Variants in PRKG1 observed in about 807,000 individuals in gnomAD.
PRKG1 encodes protein kinase cGMP-dependent 1, also known as cGMP-dependent protein kinase 1.
In PRKG1, 35 loss-of-function variants were observed where a neutral mutation model predicts 88.1. The observed-to-expected ratio is 0.40, with a 90% CI of 0.30 to 0.53. The LOEUF (loss-of-function observed/expected upper bound fraction) is 0.53. Among genes scored for constraint, PRKG1 ranks in the 20% least tolerant of loss-of-function variants. The pLI is 0.59. For synonymous variants in PRKG1, 303 were observed against 292.5 expected (o/e 1.04, Z -0.37); for missense variants, 540 against 839.8 (o/e 0.64, Z 4.41).
At chr10:51,713,807 A>G (rs1323840484) in intron 3 of PRKG1, among the ~76,000 whole-genome samples, 1 of 152,180 alleles carries the variant, frequency 6.6e-6, no homozygotes, top group African/African-American at 2.4e-5. Flanking sequence ...TGTTTAGTGT[A>G]TTAGTATTGG....
chr10:51,397,485 T>C (rs1433865268), intron 2 of PRKG1, among the ~76,000 whole-genome samples: 2 of 152,154 alleles, frequency 1.3e-5, no homozygotes, highest in African/African-American at 4.8e-5. Flanking sequence ...AGAAAACCTC[T>C]TACCTAGAGG....
intron 3 of PRKG1, among the ~76,000 whole-genome samples, chr10:51,534,666 CAAA>C (rs10626534): frequency 2.5e-5 from 3 of 120,802 alleles, no homozygotes; most frequent in African/African-American, 3.3e-5. Context: ...GACTCTGTCT[CAAA>C]AAAAAAAAAA....
chr10:51,137,227 G>A, intron 1 of PRKG1, among the ~76,000 whole-genome samples: 1 of 152,058 alleles, frequency 6.6e-6, no homozygotes. Flanking sequence ...AAAAACTATG[G>A]CCGTGGGGGC....
intron 4 of PRKG1, among the ~76,000 whole-genome samples, chr10:51,841,320 T>A (rs1488867260): frequency 6.6e-6 from 1 of 152,212 alleles, no homozygotes; most frequent in African/African-American, 2.4e-5. Context: ...AGACATGGTC[T>A]ATTTTTTCAA....
rs747670757 is a variant in PRKG1 at position 52,054,520 on chromosome 10, G to T, written c.799G>T (p.Gly267Cys). The T allele has an allele frequency of 6.2e-7, 1 of 1,613,656 alleles. No individual in the cohort carries two copies. The highest frequency in any genetic ancestry group is 1.3e-5 in the African/African-American group (1 of 74,858). Reference sequence around the variant, plus strand: ...AAATGGAGAATATATTATCAGGCAAGGTGCAAGAGGGGACACCTTCTTTAT... The same window carrying T: ...AAATGGAGAATATATTATCAGGCAATGTGCAAGAGGGGACACCTTCTTTAT... ...YENGEYIIRQGARGDTFFIIS... is the reference protein window; with the variant it reads ...YENGEYIIRQCARGDTFFIIS... The change falls in exon 6 of 18, where the codon GGT (glycine) becomes TGT (cysteine). Residue 267 changes from glycine to cysteine, a missense_variant. Gly to Cys is a radical substitution (Grantham distance 159, BLOSUM62 -3). Transcript: ENST00000373980.
At chr10:51,346,749 T>G (rs934735215) in intron 2 of PRKG1, among the ~76,000 whole-genome samples, 2 of 152,216 alleles carry the variant, frequency 1.3e-5, no homozygotes, top group South Asian at 2.1e-4. Context: ...CAAAGCATAT[T>G]TGATGTTAGA....
Position 51,529,114 on chromosome 10 carries a change from G to A in PRKG1, c.592+61278G>A, listed in dbSNP as rs536442187. 3.1e-3 allele frequency among the ~76,000 whole-genome samples: 469 copies of A among 152,050 alleles called. 5 individuals carry two copies. Among genetic ancestry groups the A allele is most frequent in the African/African-American group, 0.011 (452 of 41,470 alleles). On this transcript the variant is annotated intron_variant, in intron 3 of 17. Transcript: ENST00000373980. ...CAAATCTCTTCTATCTCAGTAGATG[G>A]CACCACTATTTCCTGACTTTACTTA...
intron 2 of PRKG1, among the ~76,000 whole-genome samples, chr10:51,227,850 A>G (rs977364695): frequency 6.6e-6 from 1 of 152,176 alleles, no homozygotes. Context: ...AGTGCTTGCA[A>G]TCACAGCAGG....
intron 4 of PRKG1, among the ~76,000 whole-genome samples, chr10:51,840,517 TTTTA>T (rs66516508): frequency 0.42 from 58,279 of 139,542 alleles, 12,229 homozygotes; most frequent in Non-Finnish European, 0.45. Flanking sequence ...GAACCCTCTA[TTTTA>T]TTTATTTATT....
chr10:51,660,990 A>C (rs1296877755), intron 3 of PRKG1, among the ~76,000 whole-genome samples: 2 of 151,820 alleles, frequency 1.3e-5, no homozygotes, highest in Admixed American at 1.3e-4. Context: ...CACATATTAG[A>C]ATCCAAATGA....
At chr10:52,205,285 A>T (rs1839789735) in intron 9 of PRKG1, among the ~76,000 whole-genome samples, 1 of 151,988 alleles carries the variant, frequency 6.6e-6, no homozygotes, top group South Asian at 2.1e-4. Context: ...CCCTATTCGT[A>T]CACTCCCTCC....
intron 2 of PRKG1, among the ~76,000 whole-genome samples, chr10:51,289,771 A>G (rs528408938): frequency 1.3e-5 from 2 of 152,104 alleles, no homozygotes; most frequent in South Asian, 4.2e-4. Flanking sequence ...ATTTGTAACC[A>G]GATACTCCAA....
At chr10:51,760,484 T>G (rs1367765574) in intron 3 of PRKG1, among the ~76,000 whole-genome samples, 2 of 151,836 alleles carry the variant, frequency 1.3e-5, no homozygotes, top group African/African-American at 2.4e-5. Context: ...TTTTTTTTTT[T>G]TTTTTGAGAC....
rs145234990 is a variant in PRKG1 at position 51,597,434 on chromosome 10, T to C, written c.592+129598T>C. ...TTTATTTAAGAGCTATTGAGAATGG[T>C]ATTTGCAATGTGAGGGAATGATCTG... On this transcript the variant is annotated intron_variant, in intron 3 of 17. Coordinates refer to ENST00000373980, the MANE Select transcript of PRKG1 (RefSeq NM_006258.4). Among the ~76,000 whole-genome samples the C allele has an allele frequency of 1.2e-4, 19 of 152,328 alleles. No homozygotes were observed. The East Asian group carries it at 3.5e-3, about 28-fold the overall frequency.
chr10:51,296,973 G>T (rs1840737286), intron 2 of PRKG1, among the ~76,000 whole-genome samples: 1 of 152,030 alleles, frequency 6.6e-6, no homozygotes, highest in African/African-American at 2.4e-5. Flanking sequence ...CAGTGAAGGG[G>T]TTATTTCATT....
In PRKG1 at chr10:52,108,866, G is replaced by A. The variant is rs575737593; in HGVS notation, c.936-24974G>A. 2.2e-3 allele frequency among the ~76,000 whole-genome samples: 238 copies of A among 110,016 alleles called. 5 individuals are homozygous for A. The South Asian group carries it at 0.065, about 30-fold the overall frequency. 72.2% of individuals were successfully genotyped at this position (110,016 alleles called of 152,430 possible). A position where few individuals can be genotyped will look rare whatever the true frequency, so the allele number is the denominator to read the frequency against. ...TTTTGAGATGGAGTGTCGCTCTGTC[G>A]CCCAAGTTGGAGTGCAGTGGCGCAA... On this transcript the variant is annotated intron_variant, in intron 7 of 17. Coordinates refer to ENST00000373980, the MANE Select transcript of PRKG1 (RefSeq NM_006258.4).
intron 9 of PRKG1, among the ~76,000 whole-genome samples, chr10:52,250,202 G>A (rs1437435947): frequency 1.3e-5 from 2 of 152,202 alleles, no homozygotes; most frequent in African/African-American, 4.8e-5. Context: ...AATGACAGAT[G>A]TCTACAAACA....
chr10:51,065,897 T>C (rs1422764980), intron 1 of PRKG1, among the ~76,000 whole-genome samples: 1 of 152,114 alleles, frequency 6.6e-6, no homozygotes, highest in Non-Finnish European at 1.5e-5. Flanking sequence ...AATTATGCAT[T>C]GTGATAAAGT....
intron 9 of PRKG1, among the ~76,000 whole-genome samples, chr10:52,197,828 T>A (rs947638733): frequency 6.6e-6 from 1 of 152,226 alleles, no homozygotes; most frequent in Admixed American, 6.5e-5. Context: ...ACTATATTCA[T>A]GGATGAAATA....
Sources: gnomAD v4.1 joint callset for allele counts (sites outside exome capture counted in the v4.1 genomes callset) on GRCh38, gnomAD v4.1.1 for gene constraint, MANE v1.5 for transcripts, NCBI Gene and HGNC (gene_info 2026-07-23, HGNC 2026-07-21) for gene names.